Variants in ARHGEF10L observed in about 807,000 individuals in gnomAD.
ARHGEF10L encodes the protein Rho guanine nucleotide exchange factor 10 like.
ARHGEF10L carries 69 observed loss-of-function variants against 141.2 expected under a neutral mutation model. The observed-to-expected ratio is 0.49, with a 90% CI of 0.40 to 0.60. The LOEUF (loss-of-function observed/expected upper bound fraction) is 0.60, where lower values mean the gene tolerates loss of function less well. Among genes scored for constraint, ARHGEF10L ranks in the 20% least tolerant of loss-of-function variants. The probability of loss-of-function intolerance (pLI) is 0.00; values close to 1 mark genes in which losing one functional copy is unlikely to be tolerated. For synonymous variants in ARHGEF10L, 711 were observed against 718.5 expected (o/e 0.99, Z 0.17); for missense variants, 1,482 against 1,734.3 (o/e 0.85, Z 2.58).
chr1:17,587,487 G>A lies in ARHGEF10L; in HGVS notation c.65G>A (p.Gly22Asp), dbSNP rs769909860. ...GATCAGCTGGTTCCAGGAGTCCCAG[G>A]CCCCTCCTCTGAGGCAGAGGACGAC... ...IGDQLVPGVP[G>D]PSSEAEDDPG... The change falls in exon 3 of 29, where the codon GGC becomes GAC. Residue 22 changes from glycine (G) to aspartate (D), a missense_variant. Around this residue, in one of 3 missense-constraint regions of ARHGEF10L, gnomAD observed 232 missense variants for 225.9 expected, o/e 1.03. Coordinates refer to ENST00000361221, the MANE Select transcript of ARHGEF10L (RefSeq NM_018125.4). 1.9e-6 allele frequency: 3 copies of A among 1,613,922 alleles called. No homozygotes were observed. Among genetic ancestry groups the A allele is most frequent in the South Asian group, 2.2e-5 (2 of 91,050 alleles).
chr1:17,560,992 G>GGGTTT (rs2077523779), intron 1 of ARHGEF10L, among the ~76,000 whole-genome samples: 1 of 152,208 alleles, frequency 6.6e-6, no homozygotes, highest in Admixed American at 6.5e-5. Flanking sequence ...CTCCAGGACT[G>GGGTTT]GGTTTGAATC....
chr1:17,590,797 G>A (rs1053865614), intron 4 of ARHGEF10L, among the ~76,000 whole-genome samples: 13 of 152,286 alleles, frequency 8.5e-5, no homozygotes, highest in African/African-American at 2.9e-4. Flanking sequence ...ACCCAGCCTG[G>A]CCAACATGGT....
At chr1:17,662,023 C>G (rs2062662615) in intron 25 of ARHGEF10L, among the ~76,000 whole-genome samples, 1 of 152,224 alleles carries the variant, frequency 6.6e-6, no homozygotes, top group Non-Finnish European at 1.5e-5. Context: ...GCCGTTGTCA[C>G]GTTGGTTAAG....
In ARHGEF10L at chr1:17,618,423, C is replaced by A. The variant is rs549700771; in HGVS notation, c.836-916C>A. The A allele has an allele frequency of 3.9e-6, 6 of 1,532,214 alleles. No homozygotes were observed. The African/African-American group carries it at 8.3e-5, about 21-fold the overall frequency. 94.9% of individuals were successfully genotyped at this position (1,532,214 alleles called of 1,614,324 possible). A position where few individuals can be genotyped will look rare whatever the true frequency, so the allele number is the denominator to read the frequency against. On this transcript the variant is annotated intron_variant, in intron 9 of 28. Transcript: ENST00000361221. ...GCTGGGGTGGGTGCGGAGTGATGCC[C>A]GGGGCGTGATGTGGGCCCGGCAGGA...
intron 6 of ARHGEF10L, chr1:17,604,491 T>A (rs1012177573): frequency 2.0e-5 from 3 of 152,202 alleles, no homozygotes; most frequent in African/African-American, 7.2e-5. Flanking sequence ...CTCCGTCCAA[T>A]GGGGAAGCAC....
rs141669961 is a variant in ARHGEF10L at position 17,620,817 on chromosome 1, C to T, written c.943-1047C>T. 2.9e-3 allele frequency among the ~76,000 whole-genome samples: 443 copies of T among 152,302 alleles called. 2 individuals carry two copies. The highest frequency in any genetic ancestry group is 0.01 in the African/African-American group (427 of 41,566). On this transcript the variant is annotated intron_variant, in intron 10 of 28. Transcript: ENST00000361221. ...TGTCACATGTGACACCTCCTGTGAG[C>T]AGCGTCCTAACTTTGCTGCACAATA...
chr1:17,551,828 TCTA>T lies in ARHGEF10L; in HGVS notation c.-44+11879_-44+11881del, dbSNP rs2077123430. ...AGGTCATCCAGGCTGGGACTGGTCT[TCTA>T]ACTAAAACAACCACAGTCCCAGGGG... On this transcript the variant is annotated intron_variant, in intron 1 of 28. Transcript: ENST00000361221. Among the ~76,000 whole-genome samples the T allele has an allele frequency of 2.6e-5, 4 of 152,136 alleles. No homozygotes were observed. In the South Asian group the frequency reaches 8.3e-4, roughly 31 times the overall value.
chr1:17,664,538 G>T lies in ARHGEF10L; in HGVS notation c.2952G>T (p.Val984=). ...CCCTGTTGAGCCTGGAGGATGCCGT[G>T]TGGGCCAGCTGTGGGCCCCGGGTCA... The part of the protein sequence containing the change: ...VRTLLSLEDA[V]WASCGPRVTV... The change falls in exon 26 of 29, where the codon GTG becomes GTT. Residue 984 remains valine (V), a synonymous_variant. Coordinates refer to ENST00000361221, the MANE Select transcript of ARHGEF10L (RefSeq NM_018125.4). 1 of 1,608,350 alleles carries T rather than the reference G, an allele frequency of 6.2e-7. No individual in the cohort carries two copies. The highest frequency in any genetic ancestry group is 2.2e-5 in the East Asian group (1 of 44,756).
chr1:17,614,613 C>A (rs925249314), intron 8 of ARHGEF10L, among the ~76,000 whole-genome samples: 1 of 152,096 alleles, frequency 6.6e-6, no homozygotes, highest in East Asian at 1.9e-4. Context: ...CTCCCACCCC[C>A]CAACAAGAAG....
chr1:17,565,417 G>A (rs2077711164), intron 1 of ARHGEF10L, among the ~76,000 whole-genome samples: 1 of 152,186 alleles, frequency 6.6e-6, no homozygotes, highest in Non-Finnish European at 1.5e-5. Flanking sequence ...CTGCATCCCA[G>A]GCATTGCAGA....
intron 2 of ARHGEF10L, among the ~76,000 whole-genome samples, chr1:17,585,318 C>T (rs1422132837): frequency 6.6e-6 from 1 of 152,158 alleles, no homozygotes; most frequent in Admixed American, 6.5e-5. Flanking sequence ...TAGCTGCTGA[C>T]TGTGGGCACA....
chr1:17,692,443 C>T (rs867272563), intron 27 of ARHGEF10L, among the ~76,000 whole-genome samples: 1 of 152,168 alleles, frequency 6.6e-6, no homozygotes, highest in Middle Eastern at 3.2e-3. Flanking sequence ...GCTCCTTTGC[C>T]ATCCCAGGCC....
At chr1:17,629,839 A>T (rs2060583358) in intron 15 of ARHGEF10L, among the ~76,000 whole-genome samples, 1 of 152,188 alleles carries the variant, frequency 6.6e-6, no homozygotes, top group Non-Finnish European at 1.5e-5. Context: ...TTCGGTGACC[A>T]AGAGGCTTTC....
chr1:17,545,163 A>C (rs903878265), intron 1 of ARHGEF10L, among the ~76,000 whole-genome samples: 5 of 152,148 alleles, frequency 3.3e-5, no homozygotes, highest in African/African-American at 9.7e-5. Flanking sequence ...AACTCCATTC[A>C]GTGATGTCAC....
At chr1:17,666,957 T>G (rs2063022477) in intron 26 of ARHGEF10L, among the ~76,000 whole-genome samples, 1 of 151,570 alleles carries the variant, frequency 6.6e-6, no homozygotes, top group African/African-American at 2.4e-5. Context: ...CCAGGCCCTT[T>G]CGGGTCCTCT....
intron 27 of ARHGEF10L, among the ~76,000 whole-genome samples, chr1:17,690,737 G>A (rs2065040813): frequency 6.6e-6 from 1 of 152,130 alleles, no homozygotes; most frequent in South Asian, 2.1e-4. Context: ...AGTTCCTCCT[G>A]ACCCCTCATA....
At chr1:17,660,014 C>T (rs949306027) in intron 25 of ARHGEF10L, among the ~76,000 whole-genome samples, 1 of 152,206 alleles carries the variant, frequency 6.6e-6, no homozygotes, top group Non-Finnish European at 1.5e-5. Flanking sequence ...ACTCTGCTGT[C>T]CTCAGGAGCA....
chr1:17,543,334 G>C (rs2076798561), intron 1 of ARHGEF10L, among the ~76,000 whole-genome samples: 1 of 152,182 alleles, frequency 6.6e-6, no homozygotes, highest in Non-Finnish European at 1.5e-5. Context: ...TGTAATCCCA[G>C]CACTTTGGGA....
At chr1:17,517,546 C>G in the ARHGEF10L span, among the ~76,000 whole-genome samples, 15 of 152,104 alleles carry the variant, frequency 9.9e-5, no homozygotes, top group Admixed American at 3.9e-4. Flanking sequence ...CTCCTGGCCT[C>G]AAGTAATCTG....
Sources: allele counts gnomAD v4.1 joint callset (sites outside exome capture counted in the v4.1 genomes callset), GRCh38; gene constraint gnomAD v4.1.1; regional missense constraint gnomAD v4.1.1; transcripts MANE v1.5; gene names NCBI Gene and HGNC (gene_info 2026-07-23, HGNC 2026-07-21).